Variants in TCERG1L observed in about 807,000 individuals in gnomAD.
TCERG1L encodes the protein transcription elongation regulator 1 like.
A neutral mutation model predicts 56.3 loss-of-function variants in TCERG1L; 37 were observed. The ratio of observed to expected loss-of-function variants is 0.66; its 90% CI spans 0.51 to 0.87. The LOEUF (loss-of-function observed/expected upper bound fraction) is 0.87, where lower values mean the gene tolerates loss of function less well. Among genes scored for constraint, TCERG1L ranks in the 40% least tolerant of loss-of-function variants. The pLI is 0.00. For missense variants in TCERG1L, 799 were observed against 774.2 expected (o/e 1.03, Z -0.38); for synonymous variants, 324 against 326.3 (o/e 0.99, Z 0.08).
intron 4 of TCERG1L, among the ~76,000 whole-genome samples, chr10:131,174,967 G>T (rs1846132607): frequency 1.3e-5 from 2 of 152,010 alleles, no homozygotes; most frequent in Admixed American, 6.6e-5. Context: ...CCCAATAATG[G>T]GACCCCACCC....
At chr10:131,172,547 G>A (rs543123979) in intron 4 of TCERG1L, among the ~76,000 whole-genome samples, 2 of 152,364 alleles carry the variant, frequency 1.3e-5, no homozygotes, top group South Asian at 2.1e-4. Context: ...GTAGACTACA[G>A]CCATTATGAA....
intron 3 of TCERG1L, among the ~76,000 whole-genome samples, chr10:131,276,305 C>A (rs909029589): frequency 6.6e-6 from 1 of 152,214 alleles, no homozygotes; most frequent in South Asian, 2.1e-4. Context: ...ACGAAAGCTA[C>A]AGCAGGCAGA....
At chr10:131,157,315 T>C (rs1040678625) in intron 6 of TCERG1L, among the ~76,000 whole-genome samples, 5 of 152,214 alleles carry the variant, frequency 3.3e-5, no homozygotes, top group African/African-American at 1.2e-4. Flanking sequence ...GAAAATAATA[T>C]GTTAAAACCA....
intron 8 of TCERG1L, among the ~76,000 whole-genome samples, chr10:131,132,266 C>T (rs1258120117): frequency 6.6e-6 from 1 of 152,208 alleles, no homozygotes; most frequent in African/African-American, 2.4e-5. Flanking sequence ...CCAGCCTCCC[C>T]GAGAGTCTTC....
intron 3 of TCERG1L, among the ~76,000 whole-genome samples, chr10:131,284,820 A>G (rs1406944320): frequency 6.6e-6 from 1 of 152,216 alleles, no homozygotes; most frequent in Non-Finnish European, 1.5e-5. Flanking sequence ...AATATAGCTT[A>G]TGAACCCTAC....
intron 8 of TCERG1L, among the ~76,000 whole-genome samples, chr10:131,128,806 A>C (rs1845589498): frequency 6.6e-6 from 1 of 152,184 alleles, no homozygotes; most frequent in East Asian, 1.9e-4. Flanking sequence ...ATCTGCTTGC[A>C]TCACGAAAAG....
intron 3 of TCERG1L, among the ~76,000 whole-genome samples, chr10:131,300,875 GTGAA>G (rs1220594208): frequency 6.6e-6 from 1 of 151,826 alleles, no homozygotes; most frequent in African/African-American, 2.4e-5. Context: ...CAAGCTGTTA[GTGAA>G]TGCAATTTTG....
intron 4 of TCERG1L, among the ~76,000 whole-genome samples, chr10:131,227,394 G>A (rs1564820428): frequency 6.6e-6 from 1 of 152,230 alleles, no homozygotes. Context: ...CCAAGTCATT[G>A]GCACACAGCA....
At chr10:131,105,871 C>A (rs920540597) in intron 9 of TCERG1L, among the ~76,000 whole-genome samples, 2 of 152,208 alleles carry the variant, frequency 1.3e-5, no homozygotes, top group African/African-American at 4.8e-5. Context: ...TTGGCCTTGG[C>A]GAGCTCCCGT....
chr10:131,251,734 T>C (rs897913482), intron 4 of TCERG1L, among the ~76,000 whole-genome samples: 1 of 152,244 alleles, frequency 6.6e-6, no homozygotes, highest in Non-Finnish European at 1.5e-5. Context: ...CATGTGCATA[T>C]GAGAACACGC....
rs1432013588 is a variant in TCERG1L, at chr10:131,139,916, AG to A, written c.1190-5469del. Reference sequence around the variant, plus strand: ...AGTGTGTTTGTAAGTCACTGAGTTCAGGGAATGTGGCTGGCTGCATCAGGTA... The same window carrying A: ...AGTGTGTTTGTAAGTCACTGAGTTCAGGAATGTGGCTGGCTGCATCAGGTA... On this transcript the variant is annotated intron_variant, in intron 7 of 11. Coordinates refer to ENST00000368642, the MANE Select transcript of TCERG1L (RefSeq NM_174937.4). Among the ~76,000 whole-genome samples the A allele has an allele frequency of 2.0e-5, 3 of 152,248 alleles. No individual in the cohort carries two copies. In the East Asian group the frequency reaches 5.8e-4, roughly 29 times the overall value.
chr10:131,203,047 G>A (rs10765052), intron 4 of TCERG1L, among the ~76,000 whole-genome samples: 3 of 152,062 alleles, frequency 2.0e-5, no homozygotes, highest in Non-Finnish European at 4.4e-5. Flanking sequence ...CGCCGACACC[G>A]ATGTGCTTGA....
chr10:131,142,594 G>GGCTGCTGCAGCT, intron 7 of TCERG1L, among the ~76,000 whole-genome samples: 1 of 152,254 alleles, frequency 6.6e-6, no homozygotes, highest in African/African-American at 2.4e-5. Context: ...TTGAGTGCAC[G>GGCTGCTGCAGCT]GCTGCTGCAG....
At chr10:131,258,676 T>C (rs1290038496) in intron 4 of TCERG1L, among the ~76,000 whole-genome samples, 1 of 152,242 alleles carries the variant, frequency 6.6e-6, no homozygotes. Context: ...TTCATCTTCC[T>C]GTCAGGCCAT....
chr10:131,128,682 T>C (rs968181051), intron 8 of TCERG1L, among the ~76,000 whole-genome samples: 1 of 152,194 alleles, frequency 6.6e-6, no homozygotes, highest in Non-Finnish European at 1.5e-5. Flanking sequence ...CAATAGTTTA[T>C]GAGGGTGAGT....
intron 4 of TCERG1L, among the ~76,000 whole-genome samples, chr10:131,228,934 C>T (rs1424051865): frequency 2.8e-5 from 3 of 106,494 alleles, no homozygotes; most frequent in Admixed American, 8.6e-5. Flanking sequence ...TCAAGGCCTC[C>T]GGAGTCTCCC....
At chr10:131,288,473 C>A (rs995491912) in intron 3 of TCERG1L, among the ~76,000 whole-genome samples, 6 of 152,172 alleles carry the variant, frequency 3.9e-5, no homozygotes, top group Non-Finnish European at 8.8e-5. Context: ...GACAGACGCA[C>A]TGTGGGATAC....
At chr10:131,157,540 G>A (rs931890188) in intron 6 of TCERG1L, among the ~76,000 whole-genome samples, 2 of 151,856 alleles carry the variant, frequency 1.3e-5, no homozygotes. Flanking sequence ...TGAATAAGTG[G>A]GAGTGGTTTA....
chr10:131,222,819 A>G (rs1845748704), intron 4 of TCERG1L, among the ~76,000 whole-genome samples: 1 of 152,046 alleles, frequency 6.6e-6, no homozygotes, highest in African/African-American at 2.4e-5. Flanking sequence ...CTCTCTGGGG[A>G]GGGTCATGAG....
Sources: allele counts gnomAD v4.1 joint callset (sites outside exome capture counted in the v4.1 genomes callset), GRCh38; gene constraint gnomAD v4.1.1; transcripts MANE v1.5; gene names NCBI Gene and HGNC (gene_info 2026-07-23, HGNC 2026-07-21).